Variants in ALK observed in about 807,000 individuals in gnomAD.
ALK encodes the protein ALK receptor tyrosine kinase, also known as ALK tyrosine kinase receptor.
A neutral mutation model predicts 163.1 loss-of-function variants in ALK; 74 were observed. That is an observed-to-expected ratio of 0.45 (90% confidence interval 0.38 to 0.55). ALK has a LOEUF of 0.55. Among genes scored for constraint, ALK ranks in the 20% least tolerant of loss-of-function variants. ALK has a pLI of 0.00. For synonymous variants in ALK, 960 were observed against 843.2 expected (o/e 1.14, Z -2.40); for missense variants, 2,063 against 2,105.3 (o/e 0.98, Z 0.39).
chr2:29,904,011 G>C (rs895346265), intron 1 of ALK, among the ~76,000 whole-genome samples: 5 of 152,088 alleles, frequency 3.3e-5, no homozygotes, highest in Non-Finnish European at 5.9e-5. Flanking sequence ...GATTTGCCCA[G>C]ATTAAAAAAG....
chr2:29,690,863 T>C (rs1186086212), intron 3 of ALK, among the ~76,000 whole-genome samples: 1 of 152,148 alleles, frequency 6.6e-6, no homozygotes, highest in Non-Finnish European at 1.5e-5. Context: ...GACCCATGAA[T>C]ATTGAGTTAG....
At chr2:29,612,583 T>C (rs1675726498) in intron 3 of ALK, among the ~76,000 whole-genome samples, 1 of 152,190 alleles carries the variant, frequency 6.6e-6, no homozygotes, top group Admixed American at 6.5e-5. Context: ...CACTTTCCAA[T>C]CAATGCTCCC....
At chr2:29,196,072 G>C (rs1444623636) in intron 28 of ALK, among the ~76,000 whole-genome samples, 1 of 152,000 alleles carries the variant, frequency 6.6e-6, no homozygotes, top group South Asian at 2.1e-4. Flanking sequence ...ATGAGGGAGA[G>C]AAGCAAAAAT....
chr2:29,863,344 T>C (rs780692199), intron 1 of ALK, among the ~76,000 whole-genome samples: 11 of 152,058 alleles, frequency 7.2e-5, no homozygotes, highest in Admixed American at 2.0e-4. Flanking sequence ...AGCCTGTGGA[T>C]TGAGAGAAAA....
chr2:29,842,281 C>T lies in ALK; in HGVS notation c.667+77712G>A, dbSNP rs559226447. On this transcript the variant is annotated intron_variant, in intron 1 of 28. Coordinates refer to ENST00000389048, the MANE Select transcript of ALK (RefSeq NM_004304.5). The stretch of plus-strand genomic sequence containing the variant: ...TCTGGCTAGATTCTCATGGTTGCAA[C>T]GAACAGATATTTGTTTGAGTGACTT... Among the ~76,000 whole-genome samples the T allele has an allele frequency of 3.6e-4, 54 of 152,064 alleles. 1 individual carries two copies. Among genetic ancestry groups the T allele is most frequent in the Admixed American group, 2.0e-3 (31 of 15,272 alleles).
At chr2:29,910,319 A>G (rs1273829026) in intron 1 of ALK, among the ~76,000 whole-genome samples, 1 of 152,160 alleles carries the variant, frequency 6.6e-6, no homozygotes, top group Non-Finnish European at 1.5e-5. Flanking sequence ...AACTATGCAG[A>G]CTGAAATACA....
intron 5 of ALK, among the ~76,000 whole-genome samples, chr2:29,342,066 C>T (rs1339499689): frequency 6.6e-6 from 1 of 152,134 alleles, no homozygotes; most frequent in Non-Finnish European, 1.5e-5. Flanking sequence ...TGTTATCTTT[C>T]ACTTGATTCC....
chr2:29,864,317 T>A (rs1666370323), intron 1 of ALK, among the ~76,000 whole-genome samples: 1 of 152,240 alleles, frequency 6.6e-6, no homozygotes, highest in African/African-American at 2.4e-5. Flanking sequence ...TTCTCATGTC[T>A]GAAATACTCT....
intron 8 of ALK, among the ~76,000 whole-genome samples, chr2:29,312,069 C>T (rs1419518114): frequency 6.6e-6 from 1 of 151,790 alleles, no homozygotes; most frequent in African/African-American, 2.4e-5. Context: ...TCTCCACTGG[C>T]AATAGTTGGG....
intron 3 of ALK, among the ~76,000 whole-genome samples, chr2:29,642,595 T>C (rs1177506777): frequency 6.6e-6 from 1 of 152,122 alleles, no homozygotes; most frequent in Admixed American, 6.5e-5. Flanking sequence ...TCAGGGGCAT[T>C]AAATATCCTC....
intron 4 of ALK, among the ~76,000 whole-genome samples, chr2:29,393,136 C>CA (rs1669220882): frequency 6.6e-6 from 1 of 152,122 alleles, no homozygotes; most frequent in South Asian, 2.1e-4. Flanking sequence ...ATTTGAGTTC[C>CA]ACACCCACTG....
At chr2:29,312,939 A>G (rs1666732402) in intron 8 of ALK, among the ~76,000 whole-genome samples, 1 of 152,226 alleles carries the variant, frequency 6.6e-6, no homozygotes, top group African/African-American at 2.4e-5. Flanking sequence ...CCTGATGAGT[A>G]TCTTGGTCCC....
Position 29,920,887 on chromosome 2 carries a change from C to T in ALK, c.-228G>A, listed in dbSNP as rs1667981930. ...AAGCTCAGGGGCGAGTCCAGAGACACTCAAGCACACTGGGCTCACTGGCTG... is the reference window on the plus strand; with the variant it reads ...AAGCTCAGGGGCGAGTCCAGAGACATTCAAGCACACTGGGCTCACTGGCTG... On this transcript the variant is annotated 5_prime_UTR_variant, in exon 1 of 29. It adds an upstream start codon to the 5' untranslated region. Coordinates refer to ENST00000389048, the MANE Select transcript of ALK (RefSeq NM_004304.5). 2 of 577,304 alleles carry T rather than the reference C, an allele frequency of 3.5e-6. No individual in the cohort carries two copies. The highest frequency in any genetic ancestry group is 6.2e-6 in the Non-Finnish European group (2 of 324,140). 35.8% of individuals were successfully genotyped at this position (577,304 alleles called of 1,614,324 possible). A position where few individuals can be genotyped will look rare whatever the true frequency, so the allele number is the denominator to read the frequency against.
intron 11 of ALK, among the ~76,000 whole-genome samples, chr2:29,263,818 A>C (rs1018674720): frequency 6.6e-6 from 1 of 152,194 alleles, no homozygotes; most frequent in African/African-American, 2.4e-5. Context: ...CTGGATAATG[A>C]CAGTAGTCAC....
At chr2:29,917,471 C>G (rs1667864522) in intron 1 of ALK, among the ~76,000 whole-genome samples, 1 of 152,162 alleles carries the variant, frequency 6.6e-6, no homozygotes, top group African/African-American at 2.4e-5. Flanking sequence ...CAGAACCTAA[C>G]CTTGAATTTT....
At chr2:29,910,092 T>C (rs1558544587) in intron 1 of ALK, among the ~76,000 whole-genome samples, 2 of 151,194 alleles carry the variant, frequency 1.3e-5, no homozygotes, top group Non-Finnish European at 2.9e-5. Flanking sequence ...AGAAATACTA[T>C]AATTAGTGGA....
intron 11 of ALK, among the ~76,000 whole-genome samples, chr2:29,266,821 AG>A (rs1665233881): frequency 6.6e-6 from 1 of 152,160 alleles, no homozygotes; most frequent in African/African-American, 2.4e-5. Flanking sequence ...GATTGATCCT[AG>A]GAATTCTGCC....
Position 29,364,718 on chromosome 2 carries a change from C to T in ALK, c.1282+19014G>A, listed in dbSNP as rs370467096. On this transcript the variant is annotated intron_variant, in intron 5 of 28. Transcript: ENST00000389048. ...GACCAAATGTGGAACAGGGAACAGGCGTGGGTGACGGAGCAATCCTTACAT... is the reference window on the plus strand; with the variant it reads ...GACCAAATGTGGAACAGGGAACAGGTGTGGGTGACGGAGCAATCCTTACAT... Among the ~76,000 whole-genome samples, 22 of 152,282 alleles carry T rather than the reference C, an allele frequency of 1.4e-4. No homozygotes were observed. The South Asian group carries it at 1.5e-3, about 10-fold the overall frequency.
chr2:29,570,300 G>A (rs914617073), intron 3 of ALK, among the ~76,000 whole-genome samples: 4 of 152,194 alleles, frequency 2.6e-5, no homozygotes, highest in African/African-American at 7.2e-5. Flanking sequence ...CACTGGACTT[G>A]GAAGATGATG....
Sources: allele counts gnomAD v4.1 joint callset (sites outside exome capture counted in the v4.1 genomes callset), GRCh38; gene constraint gnomAD v4.1.1; transcripts MANE v1.5; gene names NCBI Gene and HGNC (gene_info 2026-07-23, HGNC 2026-07-21).